The following GNA14 variants were observed in gnomAD, a reference collection of about 807,000 sequenced individuals.
GNA14 encodes the protein G protein subunit alpha 14.
A neutral mutation model predicts 42.0 loss-of-function variants in GNA14; 50 were observed. That is an observed-to-expected ratio of 1.19 (90% CI 0.95 to 1.51). The LOEUF is 1.51. Among genes scored for constraint, GNA14 ranks in the 40% most tolerant of loss-of-function variants. The pLI, the probability that GNA14 is intolerant of heterozygous loss-of-function variation, is 0.00. For missense variants in GNA14, 473 were observed against 446.2 expected (o/e 1.06, Z -0.54); for synonymous variants, 173 against 163.1 (o/e 1.06, Z -0.46).
intron 2 of GNA14, among the ~76,000 whole-genome samples, chr9:77,480,262 G>A (rs187265064): frequency 6.6e-6 from 1 of 152,108 alleles, no homozygotes; most frequent in Non-Finnish European, 1.5e-5. Context: ...TAGCATGAAG[G>A]GTTGTTGAAT....
intron 1 of GNA14, among the ~76,000 whole-genome samples, chr9:77,642,498 G>C (rs1010672075): frequency 1.3e-5 from 2 of 152,176 alleles, no homozygotes; most frequent in African/African-American, 4.8e-5. Context: ...AGGTACGGTG[G>C]CTCATGCATG....
At chr9:77,496,254 G>C (rs766600297) in intron 2 of GNA14, among the ~76,000 whole-genome samples, 2 of 152,174 alleles carry the variant, frequency 1.3e-5, no homozygotes, top group Non-Finnish European at 2.9e-5. Flanking sequence ...CTGCCCATGT[G>C]GGGGAAGTAT....
In GNA14 at chr9:77,428,909, CGTT is replaced by C; in HGVS notation, c.718_720del (p.Asn240del). The stretch of plus-strand genomic sequence containing the variant: ...CCCAAACTTCCCGCCCAGCATACCT[CGTT>C]GTCACACTCAGCCAGGACCTGGTCA... On this transcript the variant is annotated inframe_deletion, in exon 5 of 7. Transcript: ENST00000341700. 1.2e-6 allele frequency: 2 copies of C among 1,613,338 alleles called. No individual in the cohort carries two copies. Among genetic ancestry groups the C allele is most frequent in the Non-Finnish European group, 1.7e-6 (2 of 1,179,648 alleles).
At chr9:77,594,724 A>G (rs1009387456) in intron 1 of GNA14, among the ~76,000 whole-genome samples, 5 of 152,236 alleles carry the variant, frequency 3.3e-5, no homozygotes, top group African/African-American at 1.2e-4. Context: ...TCCTGAGTTT[A>G]TAACTAGAAA....
Position 77,478,151 on chromosome 9 carries a change from A to G in GNA14, c.310-43629T>C, listed in dbSNP as rs769675835. ...ATTAACTCGTCATTTAGCATTAGGT[A>G]TATCTCCTAATGCTATCCCTCCCTC... On this transcript the variant is annotated intron_variant, in intron 2 of 6. Transcript: ENST00000341700. Among the ~76,000 whole-genome samples, 98 of 151,854 alleles carry G rather than the reference A, an allele frequency of 6.5e-4. 1 individual carries two copies. Among genetic ancestry groups the G allele is most frequent in the South Asian group, 1.5e-3 (7 of 4,804 alleles).
intron 1 of GNA14, among the ~76,000 whole-genome samples, chr9:77,633,504 CAT>C (rs2118011653): frequency 6.6e-6 from 1 of 152,198 alleles, no homozygotes; most frequent in African/African-American, 2.4e-5. Flanking sequence ...GCACCCAAGA[CAT>C]AGAAATGTTC....
chr9:77,501,997 G>A (rs948332082), intron 2 of GNA14, among the ~76,000 whole-genome samples: 66 of 152,068 alleles, frequency 4.3e-4, no homozygotes, highest in African/African-American at 1.4e-3. Context: ...GTGAGCCACC[G>A]TGCCCAGCCC....
chr9:77,437,332 G>A (rs1297478044), intron 2 of GNA14, among the ~76,000 whole-genome samples: 1 of 152,162 alleles, frequency 6.6e-6, no homozygotes, highest in African/African-American at 2.4e-5. Flanking sequence ...ATCAACTGAG[G>A]CCAGGAGTTT....
At chr9:77,514,554 A>AAGGG (rs1837218199) in intron 2 of GNA14, among the ~76,000 whole-genome samples, 1 of 151,814 alleles carries the variant, frequency 6.6e-6, no homozygotes, top group Non-Finnish European at 1.5e-5. Context: ...TATCTAACCC[A>AAGGG]AGGGTGGGTG....
chr9:77,547,670 C>T (rs1837736686), intron 1 of GNA14, among the ~76,000 whole-genome samples: 1 of 152,176 alleles, frequency 6.6e-6, no homozygotes, highest in African/African-American at 2.4e-5. Flanking sequence ...AGAGCCTATC[C>T]TTGCTGGAAT....
intron 2 of GNA14, among the ~76,000 whole-genome samples, chr9:77,527,621 A>C (rs141667445): frequency 7.9e-5 from 12 of 152,172 alleles, no homozygotes; most frequent in African/African-American, 2.9e-4. Flanking sequence ...AATTCACCCC[A>C]CACAATTTTT....
chr9:77,531,849 T>A (rs1331865006), intron 1 of GNA14, among the ~76,000 whole-genome samples: 1 of 152,160 alleles, frequency 6.6e-6, no homozygotes, highest in African/African-American at 2.4e-5. Context: ...ATGGAGTATT[T>A]CAAAAAGAAA....
At chr9:77,436,556 A>T (rs1364033352) in intron 2 of GNA14, among the ~76,000 whole-genome samples, 1 of 152,128 alleles carries the variant, frequency 6.6e-6, no homozygotes, top group Non-Finnish European at 1.5e-5. Flanking sequence ...AGAATGATGG[A>T]TGGAGAACCT....
chr9:77,600,730 C>T (rs1172333514), intron 1 of GNA14, among the ~76,000 whole-genome samples: 1 of 152,044 alleles, frequency 6.6e-6, no homozygotes, highest in Non-Finnish European at 1.5e-5. Flanking sequence ...CCAGCCTGGC[C>T]AACATGGCAA....
intron 3 of GNA14, among the ~76,000 whole-genome samples, chr9:77,433,901 GGCCCCGCT>G (rs1300682180): frequency 3.9e-5 from 6 of 152,268 alleles, no homozygotes; most frequent in African/African-American, 1.4e-4. Flanking sequence ...ATGGGTCCAC[GGCCCCGCT>G]GCTCTAAACT....
intron 1 of GNA14, among the ~76,000 whole-genome samples, chr9:77,542,434 T>C (rs1024876976): frequency 1.3e-5 from 2 of 152,180 alleles, no homozygotes; most frequent in African/African-American, 4.8e-5. Flanking sequence ...AGCAGTGAGC[T>C]GAACATGCCT....
intron 3 of GNA14, among the ~76,000 whole-genome samples, chr9:77,432,882 T>C (rs1398506714): frequency 6.6e-6 from 1 of 152,234 alleles, no homozygotes; most frequent in Non-Finnish European, 1.5e-5. Context: ...ACGTCGTACC[T>C]GTTCCTGGCT....
At chr9:77,429,683 C>G (rs534423323) in intron 4 of GNA14, among the ~76,000 whole-genome samples, 2 of 152,268 alleles carry the variant, frequency 1.3e-5, no homozygotes, top group African/African-American at 4.8e-5. Flanking sequence ...CCCCAAAGTA[C>G]AAAACATACA....
chr9:77,574,853 C>T (rs1823105988), intron 1 of GNA14, among the ~76,000 whole-genome samples: 1 of 152,154 alleles, frequency 6.6e-6, no homozygotes, highest in East Asian at 1.9e-4. Flanking sequence ...TGTGCCTTGT[C>T]CCAGATGACA....
Sources: gnomAD v4.1 joint callset for allele counts (sites outside exome capture counted in the v4.1 genomes callset) on GRCh38, gnomAD v4.1.1 for gene constraint, MANE v1.5 for transcripts, NCBI Gene and HGNC (gene_info 2026-07-23, HGNC 2026-07-21) for gene names.